The following ZNF33B variants were observed in gnomAD, a reference collection of about 807,000 sequenced individuals.
ZNF33B encodes zinc finger protein 33B.
ZNF33B carries 29 observed loss-of-function variants against 45.8 expected under a neutral mutation model. That is an observed-to-expected ratio of 0.63 (90% confidence interval 0.47 to 0.86). The LOEUF (loss-of-function observed/expected upper bound fraction) is 0.86, where lower values mean the gene tolerates loss of function less well. ZNF33B is among the 40% of genes least tolerant of loss of function. ZNF33B has a pLI of 0.00. For synonymous variants in ZNF33B, 305 were observed against 307.8 expected, an observed-to-expected ratio of 0.99 and a Z score of 0.10; for missense variants, 831 against 909.9, an observed-to-expected ratio of 0.91 and a Z score of 1.12.
chr10:42,615,774 A>T (rs1022972407), intron 4 of ZNF33B, among the ~76,000 whole-genome samples: 3 of 151,552 alleles, frequency 2.0e-5, no homozygotes, highest in African/African-American at 7.3e-5. Flanking sequence ...AAATACAAAA[A>T]ATTATCTGGG....
At chr10:42,601,775 G>T (rs1260493541) in intron 4 of ZNF33B, among the ~76,000 whole-genome samples, 1 of 151,684 alleles carries the variant, frequency 6.6e-6, no homozygotes, top group African/African-American at 2.4e-5. Context: ...ACTGGCCCAA[G>T]GGCTTGCTTA....
At chr10:42,600,016 TTAAC>T (rs905640743) in intron 4 of ZNF33B, among the ~76,000 whole-genome samples, 2 of 152,110 alleles carry the variant, frequency 1.3e-5, no homozygotes, top group African/African-American at 4.8e-5. Flanking sequence ...GATGTTTAAT[TTAAC>T]TAAATTTAAA....
intron 4 of ZNF33B, among the ~76,000 whole-genome samples, chr10:42,609,834 A>G (rs1182295390): frequency 6.6e-6 from 1 of 152,222 alleles, no homozygotes; most frequent in African/African-American, 2.4e-5. Context: ...TATACAGAGA[A>G]AAAGCATTTA....
intron 2 of ZNF33B, among the ~76,000 whole-genome samples, chr10:42,633,592 A>T (rs543026489): frequency 6.6e-6 from 1 of 152,338 alleles, no homozygotes; most frequent in South Asian, 2.1e-4. Context: ...CTCAGATACT[A>T]GGGCCACAAT....
chr10:42,575,173 A>T (rs568141493), intron 1 of ZNF33B, among the ~76,000 whole-genome samples: 5 of 152,342 alleles, frequency 3.3e-5, no homozygotes, highest in African/African-American at 1.2e-4. Context: ...GTTTCTCCAA[A>T]AGCTAGGACG....
Position 42,610,494 on chromosome 10 carries a change from C to T in ZNF33B, c.251-15795G>A, listed in dbSNP as rs148465357. ...CAGAGGTTGCAGTGAGCCAAGATCG[C>T]GCCATTGCACTCCACCCTGGGCAAT... On this transcript the variant is annotated intron_variant, in intron 4 of 4. Coordinates refer to ENST00000359467, the MANE Select transcript of ZNF33B (RefSeq NM_006955.3). 5.9e-5 allele frequency among the ~76,000 whole-genome samples: 9 copies of T among 152,234 alleles called. No individual in the cohort carries two copies. The East Asian group carries it at 1.2e-3, about 20-fold the overall frequency.
chr10:42,612,233 ATTT>A (rs59259404), intron 4 of ZNF33B, among the ~76,000 whole-genome samples: 1 of 119,334 alleles, frequency 8.4e-6, no homozygotes, highest in African/African-American at 3.3e-5. Flanking sequence ...ACAGAAGTTG[ATTT>A]TTTTTTTTTT....
intron 4 of ZNF33B, among the ~76,000 whole-genome samples, chr10:42,601,200 G>C (rs1837602615): frequency 6.6e-6 from 1 of 151,996 alleles, no homozygotes; most frequent in Non-Finnish European, 1.5e-5. Flanking sequence ...CTTTATCTCT[G>C]GCTGCTTTGA....
intron 2 of ZNF33B, among the ~76,000 whole-genome samples, chr10:42,636,001 C>T (rs1361401232): frequency 2.0e-5 from 3 of 150,098 alleles, no homozygotes; most frequent in Admixed American, 6.6e-5. Context: ...TGGTGGTGCA[C>T]GCCTGTAGTC....
At chr10:42,579,163 T>C (rs1187210593) in intron 1 of ZNF33B, among the ~76,000 whole-genome samples, 3 of 152,204 alleles carry the variant, frequency 2.0e-5, no homozygotes, top group Non-Finnish European at 4.4e-5. Flanking sequence ...ATGACCACCC[T>C]TTGAAGATAA....
At chr10:42,625,572 T>A (rs1438554823) in intron 4 of ZNF33B, among the ~76,000 whole-genome samples, 1 of 152,166 alleles carries the variant, frequency 6.6e-6, no homozygotes, top group African/African-American at 2.4e-5. Flanking sequence ...CTCCGCCTCC[T>A]GGGTTCAAGC....
rs867225586 is a variant in ZNF33B, at chr10:42,592,786, G to A, written c.2164C>T (p.Gln722Ter). 6.2e-7 allele frequency: 1 copy of A among 1,614,048 alleles called. No individual in the cohort carries two copies. Among genetic ancestry groups the A allele is most frequent in the African/African-American group, 1.3e-5 (1 of 75,008 alleles). The change falls in exon 5 of 5, where the codon CAG (glutamine) becomes TAG (stop). Residue 722 changes from glutamine to a stop codon, truncating the protein, a stop_gained. Transcript: ENST00000359467. LOFTEE classifies it high-confidence loss of function. ...HRAHTGEKSCQCNECGKIFYR... is the reference protein window; with the variant it reads ...HRAHTGEKSC ...AAGATTTTTCCACATTCATTACACT[G>A]ACAAGATTTCTCTCCTGTGTGAGCC...
At chr10:42,628,398 T>C (rs1465877037) in intron 4 of ZNF33B, among the ~76,000 whole-genome samples, 2 of 33,684 alleles carry the variant, frequency 5.9e-5, no homozygotes, top group East Asian at 8.7e-4. Flanking sequence ...CTAGTAATCA[T>C]ATGGCTAGTA....
At chr10:42,637,605 A>C (rs1271651836) in intron 1 of ZNF33B, among the ~76,000 whole-genome samples, 1 of 152,192 alleles carries the variant, frequency 6.6e-6, no homozygotes, top group East Asian at 1.9e-4. Flanking sequence ...AACAAAAAAC[A>C]AAAAAATTAT....
chr10:42,603,597 A>G (rs990153970), intron 4 of ZNF33B, among the ~76,000 whole-genome samples: 12 of 152,340 alleles, frequency 7.9e-5, no homozygotes, highest in African/African-American at 2.6e-4. Context: ...TGGCAACATA[A>G]AAAGCAAACT....
intron 4 of ZNF33B, among the ~76,000 whole-genome samples, chr10:42,612,496 A>G (rs1838142876): frequency 6.6e-6 from 1 of 152,076 alleles, no homozygotes; most frequent in South Asian, 2.1e-4. Flanking sequence ...TCAGCATCCC[A>G]AAGTGCTGGG....
At chr10:42,576,235 C>T (rs981177748) in intron 1 of ZNF33B, among the ~76,000 whole-genome samples, 7 of 151,958 alleles carry the variant, frequency 4.6e-5, no homozygotes, top group African/African-American at 1.7e-4. Context: ...GCGATCTGCC[C>T]GCCTCAGCCT....
At chr10:42,583,488 G>T in intron 1 of ZNF33B, 1 of 247,664 alleles carries the variant, frequency 4.0e-6, no homozygotes, top group Non-Finnish European at 8.1e-6. Context: ...GAAGTTGAGA[G>T]TTCTTTGTTA....
chr10:42,617,599 C>T (rs1321069302), intron 4 of ZNF33B, among the ~76,000 whole-genome samples: 1 of 152,098 alleles, frequency 6.6e-6, no homozygotes, highest in East Asian at 1.9e-4. Flanking sequence ...ATATTTAGTT[C>T]TATAAATTTT....
Sources: allele counts gnomAD v4.1 joint callset (sites outside exome capture counted in the v4.1 genomes callset), GRCh38; gene constraint gnomAD v4.1.1; transcripts MANE v1.5; gene names NCBI Gene and HGNC (gene_info 2026-07-23, HGNC 2026-07-21).